Variants in SLC44A5 observed in about 807,000 individuals in gnomAD.
SLC44A5 encodes choline transporter-like protein 5.
Under a neutral mutation model 101.8 loss-of-function variants are expected in SLC44A5, and 57 were observed. The ratio of observed to expected loss-of-function variants is 0.56; its 90% CI spans 0.45 to 0.70. SLC44A5 has a LOEUF of 0.70. Ranked by LOEUF, SLC44A5 falls within the 30% of genes least tolerant of loss-of-function variation. SLC44A5 has a pLI of 0.00. For missense variants in SLC44A5, 737 were observed against 853.1 expected, an observed-to-expected ratio of 0.86 and a Z score of 1.70; for synonymous variants, 281 against 290.9, an observed-to-expected ratio of 0.97 and a Z score of 0.35.
At chr1:75,438,097 G>C (rs753923582) in intron 2 of SLC44A5, among the ~76,000 whole-genome samples, 1 of 152,052 alleles carries the variant, frequency 6.6e-6, no homozygotes, top group Non-Finnish European at 1.5e-5. Context: ...AGAAAATCAA[G>C]CAATTCAAAG....
chr1:75,279,628 T>C (rs982137593), intron 5 of SLC44A5, among the ~76,000 whole-genome samples: 1 of 152,202 alleles, frequency 6.6e-6, no homozygotes, highest in African/African-American at 2.4e-5. Flanking sequence ...AACCTTTTTT[T>C]TGTTCTTCAG....
chr1:75,649,996 CTT>C, the SLC44A5 span, among the ~76,000 whole-genome samples: 1 of 152,162 alleles, frequency 6.6e-6, no homozygotes, highest in Non-Finnish European at 1.5e-5. Flanking sequence ...ACAATCCACT[CTT>C]GTGTGTTAGC....
chr1:75,588,191 A>G (rs1674127962), intron 1 of SLC44A5, among the ~76,000 whole-genome samples: 1 of 145,216 alleles, frequency 6.9e-6, no homozygotes. Flanking sequence ...TGGAGTTAGG[A>G]GAAGGAAAGA....
In SLC44A5 at chr1:75,215,870, G is replaced by A. The variant is rs1273580804; in HGVS notation, c.1625-13C>T. On this transcript the variant is annotated splice_polypyrimidine_tract_variant and intron_variant, in intron 18 of 23. Transcript: ENST00000370859. ...GTGTTCTGGGTACCTATGAGAAGGA[G>A]ATATTTAAATCTATTAATGATTTGC... The A allele has an allele frequency of 7.2e-7, 1 of 1,380,322 alleles. No homozygotes were observed. Among genetic ancestry groups the A allele is most frequent in the Non-Finnish European group, 1.0e-6 (1 of 973,056 alleles). 85.5% of individuals were successfully genotyped at this position (1,380,322 alleles called of 1,614,324 possible).
intron 2 of SLC44A5, among the ~76,000 whole-genome samples, chr1:75,489,266 G>A (rs911623453): frequency 4.6e-5 from 7 of 152,182 alleles, no homozygotes; most frequent in African/African-American, 1.7e-4. Flanking sequence ...TCATGTGTGT[G>A]AGGAGAGGAG....
chr1:75,464,221 CAAAAAAAAAA>C (rs57630961), intron 2 of SLC44A5, among the ~76,000 whole-genome samples: 6 of 52,236 alleles, frequency 1.1e-4, no homozygotes, highest in Non-Finnish European at 2.2e-4. Context: ...GACTCTGTCT[CAAAAAAAAAA>C]AAAAAAAAAA....
At chr1:75,281,872 C>A (rs903399572) in intron 5 of SLC44A5, among the ~76,000 whole-genome samples, 9 of 152,138 alleles carry the variant, frequency 5.9e-5, no homozygotes, top group Admixed American at 5.9e-4. Context: ...CCTGTATGTC[C>A]AGGCAGAAGT....
chr1:75,483,127 C>T (rs750159067), intron 2 of SLC44A5, among the ~76,000 whole-genome samples: 5 of 152,212 alleles, frequency 3.3e-5, no homozygotes, highest in African/African-American at 1.2e-4. Flanking sequence ...GGAAAGGAGA[C>T]AGGAAATGGC....
upstream of SLC44A5, among the ~76,000 whole-genome samples, chr1:75,611,800 G>A (rs1198795749): frequency 6.6e-6 from 1 of 151,956 alleles, no homozygotes; most frequent in Non-Finnish European, 1.5e-5. Flanking sequence ...GGCTGATGTT[G>A]TTTTAGAGGC....
chr1:75,462,980 A>C (rs1666588198), intron 2 of SLC44A5, among the ~76,000 whole-genome samples: 1 of 152,210 alleles, frequency 6.6e-6, no homozygotes, highest in South Asian at 2.1e-4. Context: ...AGTTTATTCA[A>C]AGGGAAAATG....
At chr1:75,535,377 A>G (rs1670941751) in intron 2 of SLC44A5, among the ~76,000 whole-genome samples, 1 of 152,114 alleles carries the variant, frequency 6.6e-6, no homozygotes, top group Non-Finnish European at 1.5e-5. Context: ...TCCGCAGCTG[A>G]AGTTCAGGGT....
intron 11 of SLC44A5, among the ~76,000 whole-genome samples, chr1:75,234,308 C>T (rs1393231346): frequency 6.6e-6 from 1 of 152,050 alleles, no homozygotes; most frequent in Non-Finnish European, 1.5e-5. Flanking sequence ...GGACTTTATA[C>T]AGAACTCATC....
chr1:75,562,555 G>T (rs211703), intron 1 of SLC44A5, among the ~76,000 whole-genome samples: 48 of 151,918 alleles, frequency 3.2e-4, no homozygotes, highest in African/African-American at 1.1e-3. Context: ...AAAATTAGCC[G>T]AGTATGGTGA....
the SLC44A5 span, among the ~76,000 whole-genome samples, chr1:75,669,967 T>C: frequency 4.6e-5 from 7 of 152,162 alleles, no homozygotes; most frequent in Admixed American, 6.5e-5. Context: ...ATGGAACCTA[T>C]TTAAAAATGT....
At chr1:75,463,956 C>T (rs1666661778) in intron 2 of SLC44A5, among the ~76,000 whole-genome samples, 1 of 152,106 alleles carries the variant, frequency 6.6e-6, no homozygotes, top group Non-Finnish European at 1.5e-5. Flanking sequence ...GGCGCAGTGG[C>T]TCATGCCTGT....
At chr1:75,294,103 G>A (rs991246128) in intron 5 of SLC44A5, among the ~76,000 whole-genome samples, 1 of 152,122 alleles carries the variant, frequency 6.6e-6, no homozygotes, top group East Asian at 1.9e-4. Context: ...CTTTTTAATT[G>A]GGAGATATGA....
intron 5 of SLC44A5, among the ~76,000 whole-genome samples, chr1:75,276,706 C>T (rs962838291): frequency 1.3e-5 from 2 of 152,102 alleles, no homozygotes; most frequent in African/African-American, 4.8e-5. Flanking sequence ...TGGGTTTCCC[C>T]AAAAGCAAAA....
At chr1:75,578,504 G>A (rs1427506697) in intron 1 of SLC44A5, among the ~76,000 whole-genome samples, 3 of 152,178 alleles carry the variant, frequency 2.0e-5, no homozygotes, top group Non-Finnish European at 2.9e-5. Context: ...TAAAACTGAA[G>A]TGCAGTGTGC....
At chr1:75,479,558 A>G (rs1351038326) in intron 2 of SLC44A5, among the ~76,000 whole-genome samples, 2 of 152,260 alleles carry the variant, frequency 1.3e-5, no homozygotes, top group Non-Finnish European at 2.9e-5. Flanking sequence ...ATAAAAAATG[A>G]TAAAGGGGAT....
Sources: gnomAD v4.1 joint callset for allele counts (sites outside exome capture counted in the v4.1 genomes callset) on GRCh38, gnomAD v4.1.1 for gene constraint, MANE v1.5 for transcripts, NCBI Gene and HGNC (gene_info 2026-07-23, HGNC 2026-07-21) for gene names.